Variants in STOX2 observed in about 807,000 individuals in gnomAD.
The protein encoded by STOX2 is storkhead box 2.
Under a neutral mutation model 60.9 loss-of-function variants are expected in STOX2, and 28 were observed. The observed-to-expected ratio is 0.46, with a 90% CI of 0.34 to 0.63. The LOEUF is 0.63. Among genes scored for constraint, STOX2 ranks in the 30% least tolerant of loss-of-function variants. The probability of loss-of-function intolerance (pLI) is 0.01; values close to 1 mark genes in which losing one functional copy is unlikely to be tolerated. For synonymous variants in STOX2, 472 were observed against 463.9 expected, an observed-to-expected ratio of 1.02 and a Z score of -0.22; for missense variants, 1,024 against 1,187.7, an observed-to-expected ratio of 0.86 and a Z score of 2.03.
chr4:183,893,821 A>G (rs1741282532), intron 1 of STOX2, among the ~76,000 whole-genome samples: 1 of 152,172 alleles, frequency 6.6e-6, no homozygotes, highest in Non-Finnish European at 1.5e-5. Flanking sequence ...TTGTGTCCCC[A>G]TTTGTCCAGG....
chr4:183,812,682 C>T (rs1739062721), intron 1 of STOX2, among the ~76,000 whole-genome samples: 2 of 152,012 alleles, frequency 1.3e-5, no homozygotes, highest in African/African-American at 2.4e-5. Context: ...AGAGTGTGAT[C>T]TAATAAAAAA....
intron 1 of STOX2, among the ~76,000 whole-genome samples, chr4:183,877,801 C>T (rs1740866258): frequency 6.6e-6 from 1 of 152,158 alleles, no homozygotes; most frequent in Admixed American, 6.5e-5. Context: ...GTGCCTCAGC[C>T]TCCCAAGTAG....
At chr4:183,935,558 G>T (rs1229674332) in intron 1 of STOX2, among the ~76,000 whole-genome samples, 1 of 152,220 alleles carries the variant, frequency 6.6e-6, no homozygotes, top group African/African-American at 2.4e-5. Context: ...CCAGCAGTTT[G>T]GTAGTGTGGG....
intron 1 of STOX2, among the ~76,000 whole-genome samples, chr4:183,885,860 A>G (rs1741066470): frequency 6.6e-6 from 1 of 152,240 alleles, no homozygotes; most frequent in Non-Finnish European, 1.5e-5. Flanking sequence ...GTGGAAAAAT[A>G]AGAGTTCCAG....
intron 1 of STOX2, among the ~76,000 whole-genome samples, chr4:183,917,265 T>C (rs1257793621): frequency 6.6e-6 from 1 of 152,212 alleles, no homozygotes; most frequent in Non-Finnish European, 1.5e-5. Flanking sequence ...GTGATTGTGG[T>C]GGATCGGTAA....
intron 1 of STOX2, among the ~76,000 whole-genome samples, chr4:183,974,471 A>G (rs1732377087): frequency 6.6e-6 from 1 of 152,176 alleles, no homozygotes; most frequent in African/African-American, 2.4e-5. Context: ...AGGATATGCT[A>G]TCTACAGGTA....
intron 1 of STOX2, among the ~76,000 whole-genome samples, chr4:183,924,497 G>A (rs904140737): frequency 6.6e-6 from 1 of 152,150 alleles, no homozygotes; most frequent in African/African-American, 2.4e-5. Context: ...CCTCTCTCTG[G>A]AGGCCAGCAG....
At chr4:183,944,124 T>G (rs1218294862) in intron 1 of STOX2, among the ~76,000 whole-genome samples, 1 of 152,130 alleles carries the variant, frequency 6.6e-6, no homozygotes, top group Non-Finnish European at 1.5e-5. Context: ...TCCTAGGAAG[T>G]TGGGGACACT....
At chr4:183,911,279 G>A (rs548182224) in intron 1 of STOX2, among the ~76,000 whole-genome samples, 10 of 152,132 alleles carry the variant, frequency 6.6e-5, no homozygotes, top group African/African-American at 7.2e-5. Context: ...AAAGGTATGC[G>A]TTTTAGGACT....
At chr4:183,819,502 C>T (rs1009689259) in intron 1 of STOX2, among the ~76,000 whole-genome samples, 1 of 148,472 alleles carries the variant, frequency 6.7e-6, no homozygotes, top group Non-Finnish European at 1.5e-5. Flanking sequence ...GCAGTACAGT[C>T]CTGCTTCGGC....
intron 1 of STOX2, among the ~76,000 whole-genome samples, chr4:183,944,371 A>G (rs2111133685): frequency 6.6e-6 from 1 of 152,350 alleles, no homozygotes; most frequent in East Asian, 1.9e-4. Context: ...CAAATACTAC[A>G]TTAAGACCCT....
rs971293263 is a variant in STOX2, at chr4:184,018,561, C to G, written c.*1277C>G. 2 of 152,222 alleles carry G rather than the reference C, an allele frequency of 1.3e-5. No homozygotes were observed. The highest frequency in any genetic ancestry group is 2.9e-5 in the Non-Finnish European group (2 of 68,036). 9.4% of individuals were successfully genotyped at this position (152,222 alleles called of 1,614,324 possible). A position where few individuals can be genotyped will look rare whatever the true frequency, so the allele number is the denominator to read the frequency against. On this transcript the variant is annotated 3_prime_UTR_variant, in exon 4 of 4. Coordinates refer to ENST00000308497, the MANE Select transcript of STOX2 (RefSeq NM_020225.3). ...TTTATCAGAATAACAATTATGCATACATGAACTATGCCAGAGTAATGTTTA... is the reference window on the plus strand; with the variant it reads ...TTTATCAGAATAACAATTATGCATAGATGAACTATGCCAGAGTAATGTTTA...
chr4:183,811,631 T>C (rs890653329), intron 1 of STOX2, among the ~76,000 whole-genome samples: 1 of 152,262 alleles, frequency 6.6e-6, no homozygotes, highest in South Asian at 2.1e-4. Flanking sequence ...AGCAAATCTT[T>C]AGTTTGAAGA....
chr4:183,857,264 CTGCAGGACTGGTCATCT>C (rs1464246134), intron 1 of STOX2, among the ~76,000 whole-genome samples: 1,454 of 130,190 alleles, frequency 0.011, 22 homozygotes, highest in African/African-American at 0.036. Context: ...ACTGGTTATC[CTGCAGGACTGGTCATCT>C]TGCAGGACTG....
chr4:183,864,366 G>T (rs1740517571), intron 1 of STOX2, among the ~76,000 whole-genome samples: 2 of 152,132 alleles, frequency 1.3e-5, no homozygotes, highest in South Asian at 4.1e-4. Context: ...AACAGGTGCA[G>T]ATGATTACAA....
intron 1 of STOX2, among the ~76,000 whole-genome samples, chr4:183,932,066 G>A (rs533202056): frequency 3.9e-5 from 6 of 152,166 alleles, no homozygotes; most frequent in African/African-American, 1.2e-4. Flanking sequence ...GCTGAGAAGT[G>A]CTTTGGAGAC....
intron 1 of STOX2, among the ~76,000 whole-genome samples, chr4:183,935,858 G>C (rs959324320): frequency 1.1e-4 from 16 of 152,198 alleles, no homozygotes; most frequent in African/African-American, 3.9e-4. Flanking sequence ...CAAGAGGAGG[G>C]ATGTAAGAGT....
intron 1 of STOX2, among the ~76,000 whole-genome samples, chr4:183,835,689 C>T (rs1739692842): frequency 6.6e-6 from 1 of 152,162 alleles, no homozygotes; most frequent in Non-Finnish European, 1.5e-5. Context: ...ATTGGCTCTG[C>T]CACCAGCCTA....
intron 1 of STOX2, among the ~76,000 whole-genome samples, chr4:183,957,711 G>A (rs76096118): frequency 0.015 from 2,256 of 152,290 alleles, 52 homozygotes; most frequent in African/African-American, 0.051. Context: ...GACACTAAAT[G>A]ATGTTCCATG....
Sources: gnomAD v4.1 joint callset for allele counts (sites outside exome capture counted in the v4.1 genomes callset) on GRCh38, gnomAD v4.1.1 for gene constraint, MANE v1.5 for transcripts, NCBI Gene and HGNC (gene_info 2026-07-23, HGNC 2026-07-21) for gene names.